The following PYGO2 variants were observed in gnomAD, a reference collection of about 807,000 sequenced individuals.
PYGO2 encodes pygopus family PHD finger 2.
A neutral mutation model predicts 26.7 loss-of-function variants in PYGO2; 9 were observed. The ratio of observed to expected loss-of-function variants is 0.34; its 90% CI spans 0.20 to 0.59. The LOEUF is 0.59. Among genes scored for constraint, PYGO2 ranks in the 20% least tolerant of loss-of-function variants. The pLI, the probability that PYGO2 is intolerant of heterozygous loss-of-function variation, is 0.84. For synonymous variants in PYGO2, 236 were observed against 219.0 expected (o/e 1.08, Z -0.68); for missense variants, 538 against 561.5 (o/e 0.96, Z 0.42).
At position 154,958,827 on chromosome 1, in the gene PYGO2, G is replaced by A; in HGVS notation, c.1173C>T (p.Val391=). 1 of 1,614,040 alleles carries A rather than the reference G, an allele frequency of 6.2e-7. No homozygotes were observed. Among genetic ancestry groups the A allele is most frequent in the Non-Finnish European group, 8.5e-7 (1 of 1,180,046 alleles). Residue 391 remains valine (V), a synonymous_variant, in exon 3 of 3, where the codon GTC becomes GTT. Coordinates refer to ENST00000368457, the MANE Select transcript of PYGO2 (RefSeq NM_138300.4). ...LCLKTKEIQS[V]YIREGMGQLV... ...GCTGCCCCATGCCCTCACGGATGTA[G>A]ACAGACTGGATCTCCTTGGTCTTGA... is the stretch of plus-strand genomic sequence containing the variant.
Position 154,959,041 on chromosome 1 carries a change from G to A in PYGO2, c.959C>T (p.Pro320Leu). 6.2e-7 allele frequency: 1 copy of A among 1,613,510 alleles called. No homozygotes were observed. The highest frequency in any genetic ancestry group is 8.5e-7 in the Non-Finnish European group (1 of 1,179,934). The change falls in exon 3 of 3, where the codon CCC (proline) becomes CTC (leucine). Residue 320 changes from proline (P) to leucine (L), a missense_variant. Pro to Leu is a moderately conservative substitution (Grantham distance 98, BLOSUM62 -3). Around this residue, in one of 4 missense-constraint regions of PYGO2, gnomAD observed 381 missense variants for 336.6 expected, o/e 1.13. Transcript: ENST00000368457. The surrounding 1 kb of genome is among the most constrained non-coding windows in gnomAD (Gnocchi z 4.7). ...GTACACCAAGCCTGGGGGAGGCTGG[G>A]GCCCGGAGCCCCCACCTGCCTTGCC... ...PPGKAGGGSG[P>L]QPPPGLVYPC...
Position 154,959,442 on chromosome 1 carries a change from T to A in PYGO2, c.558A>T (p.Pro186=). ...SPPSGQMMPG[P]VGGFGPMISP... ...AGATCATGGGACCAAATCCCCCCAC[T>A]GGGCCCGGCATCATCTGCCCACTGG... Residue 186 remains proline (P), a synonymous_variant, in exon 3 of 3, where the codon CCA becomes CCT. Transcript: ENST00000368457. This position sits in a 1 kb window ranked among gnomAD's most constrained non-coding sequence, Gnocchi z 4.7. 1.3e-6 allele frequency: 2 copies of A among 1,531,560 alleles called. No individual in the cohort carries two copies. The highest frequency in any genetic ancestry group is 1.3e-5 in the South Asian group (1 of 78,040). The allele number at this position is 1,531,560 out of a possible 1,614,324, so 94.9% of individuals were successfully genotyped here. A position where few individuals can be genotyped will look rare whatever the true frequency, so the allele number is the denominator to read the frequency against.
At position 154,959,663 on chromosome 1, in the gene PYGO2, G is replaced by C. The variant is rs747940629; in HGVS notation, c.337C>G (p.Gln113Glu). Residue 113 changes from glutamine to glutamate, a missense_variant, in exon 3 of 3, where the codon CAG (glutamine) becomes GAG (glutamate). This residue lies in a region of PYGO2 where 381 missense variants were observed against 336.6 expected (regional missense o/e 1.13). Transcript: ENST00000368457. The surrounding 1 kb of genome is among the most constrained non-coding windows in gnomAD (Gnocchi z 4.7). ...GFRVQGGMAGQVPPGYSTGGG... is the reference protein window; with the variant it reads ...GFRVQGGMAGEVPPGYSTGGG... ...CCAGTGCTGTAGCCTGGGGGTACCT[G>C]GCCCGCCATGCCCCCCTGCACACGG... The C allele has an allele frequency of 9.1e-6, 13 of 1,435,994 alleles. No individual in the cohort carries two copies. The highest frequency in any genetic ancestry group is 3.7e-4 in the Middle Eastern group (2 of 5,346). 89.0% of individuals were successfully genotyped at this position (1,435,994 alleles called of 1,614,324 possible). A position where few individuals can be genotyped will look rare whatever the true frequency, so the allele number is the denominator to read the frequency against.
Position 154,958,623 on chromosome 1 carries a change from C to T in PYGO2, c.*156G>A. On this transcript the variant is annotated 3_prime_UTR_variant, in exon 3 of 3. Coordinates refer to ENST00000368457, the MANE Select transcript of PYGO2 (RefSeq NM_138300.4). ...TGAGCAATCCAGGCTCTTCTGCCTGCCCACCTCAATTCCTTTTCTGCTCCC... is the reference window on the plus strand; with the variant it reads ...TGAGCAATCCAGGCTCTTCTGCCTGTCCACCTCAATTCCTTTTCTGCTCCC... The T allele has an allele frequency of 1.6e-6, 1 of 632,092 alleles. No individual in the cohort carries two copies. 39.2% of individuals were successfully genotyped at this position (632,092 alleles called of 1,614,324 possible).
At chr1:154,961,166 G>A (rs1655347722) in intron 1 of PYGO2, 140 bp from the exon 2 acceptor site, 2 of 769,358 alleles carry the variant, frequency 2.6e-6, no homozygotes. Context: ...AACAAGGGGT[G>A]CAATATGAAA....
In PYGO2 at chr1:154,958,490, G is replaced by A. The variant is rs1655247749; in HGVS notation, c.*289C>T. ...ATCTTCCTCCAGCCCCTTTTCTCTT[G>A]CAGCCACACTCCTGGGCCTCCAGAA... On this transcript the variant is annotated 3_prime_UTR_variant, in exon 3 of 3. Transcript: ENST00000368457. 2.5e-6 allele frequency: 1 copy of A among 403,466 alleles called. No individual in the cohort carries two copies. 25.0% of individuals were successfully genotyped at this position (403,466 alleles called of 1,614,324 possible). A position where few individuals can be genotyped will look rare whatever the true frequency, so the allele number is the denominator to read the frequency against.
In PYGO2 at chr1:154,958,887, A is replaced by C. The variant is rs1387311302; in HGVS notation, c.1113T>G (p.Thr371=). Residue 371 remains threonine (T), a synonymous_variant, in exon 3 of 3, where the codon ACT becomes ACG. Transcript: ENST00000368457. ...CGCAGGCCCAGACGGCAGAAGCTTCAGTGGTCAGCAGCCCATAGGCGCTCT... is the reference window on the plus strand; with the variant it reads ...CGCAGGCCCAGACGGCAGAAGCTTCCGTGGTCAGCAGCCCATAGGCGCTCT... ...MTESAYGLLT[T]EASAVWACDL... 1 of 1,614,012 alleles carries C rather than the reference A, an allele frequency of 6.2e-7. No individual in the cohort carries two copies. Among genetic ancestry groups the C allele is most frequent in the Non-Finnish European group, 8.5e-7 (1 of 1,180,034 alleles).
rs537080177 is a variant in PYGO2 at position 154,959,988 on chromosome 1, G to A, written c.154-142C>T. Reference sequence around the variant, plus strand: ...TAAAATCAATATGGACCACAGGCCAGGTGCGGTGGCTCACGCCTGTAATCC... The same window carrying A: ...TAAAATCAATATGGACCACAGGCCAAGTGCGGTGGCTCACGCCTGTAATCC... On this transcript the variant is annotated intron_variant, in intron 2 of 2. Transcript: ENST00000368457. This position sits in a 1 kb window ranked among gnomAD's most constrained non-coding sequence, Gnocchi z 4.7. 1.1e-5 allele frequency: 5 copies of A among 459,070 alleles called. No individual in the cohort carries two copies. The highest frequency in any genetic ancestry group is 1.8e-5 in the Non-Finnish European group (5 of 280,386). The allele number at this position is 459,070 out of a possible 1,614,324, so 28.4% of individuals were successfully genotyped here.
At chr1:154,960,047 G>A (rs1488698672) in intron 2 of PYGO2, among the ~76,000 whole-genome samples, 4 of 151,384 alleles carry the variant, frequency 2.6e-5, no homozygotes, top group Admixed American at 2.0e-4. Context: ...GGCAGATCAC[G>A]AGGTCAGGAG....
rs148702249 is a variant in PYGO2 at position 154,959,753 on chromosome 1, C to T, written c.247G>A (p.Gly83Arg). 93 of 1,392,854 alleles carry T rather than the reference C, an allele frequency of 6.7e-5. 1 individual carries two copies. The Middle Eastern group carries it at 1.4e-3, about 20-fold the overall frequency. 86.3% of individuals were successfully genotyped at this position (1,392,854 alleles called of 1,614,324 possible). Residue 83 changes from glycine to arginine, a missense_variant, in exon 3 of 3, where the codon GGA becomes AGA. Transcript: ENST00000368457. This position sits in a 1 kb window ranked among gnomAD's most constrained non-coding sequence, Gnocchi z 4.7. ...VASNPFEDDF[G>R]APKVGVAAPP... is the part of the protein sequence containing the mutation. Reference sequence around the variant, plus strand: ...GCTGCAACCCCCACTTTGGGGGCTCCGAAGTCATCTTCAAAAGGGTTGGAT... The same window carrying T: ...GCTGCAACCCCCACTTTGGGGGCTCTGAAGTCATCTTCAAAAGGGTTGGAT...
At position 154,959,769 on chromosome 1, in the gene PYGO2, A is replaced by C. The variant is rs1655282270; in HGVS notation, c.231T>G (p.Pro77=). ...TGGGGGCTCCGAAGTCATCTTCAAA[A>C]GGGTTGGATGCAACCAGGTGATCCA... ...PMVDHLVASN[P]FEDDFGAPKV... is the part of the protein sequence containing the mutation. Residue 77 remains proline (P), a synonymous_variant, in exon 3 of 3, where the codon CCT becomes CCG. Transcript: ENST00000368457. The surrounding 1 kb of genome is among the most constrained non-coding windows in gnomAD (Gnocchi z 4.7). 7.2e-7 allele frequency: 1 copy of C among 1,393,584 alleles called. No homozygotes were observed. Among genetic ancestry groups the C allele is most frequent in the African/African-American group, 1.5e-5 (1 of 67,326 alleles). 86.3% of individuals were successfully genotyped at this position (1,393,584 alleles called of 1,614,324 possible).
At position 154,958,838 on chromosome 1, in the gene PYGO2, T is replaced by C. The variant is rs1352485268; in HGVS notation, c.1162A>G (p.Ile388Val). The C allele has an allele frequency of 6.2e-7, 1 of 1,613,874 alleles. No individual in the cohort carries two copies. The highest frequency in any genetic ancestry group is 1.3e-5 in the African/African-American group (1 of 74,914). ...CCCTCACGGATGTAGACAGACTGGA[T>C]CTCCTTGGTCTTGAGGCAGAGATCG... ...ACDLCLKTKEIQSVYIREGMG... is the reference protein window; with the variant it reads ...ACDLCLKTKEVQSVYIREGMG... The change falls in exon 3 of 3, where the codon ATC becomes GTC. Residue 388 changes from isoleucine (I) to valine (V), a missense_variant. By Grantham distance (29) the Ile-to-Val change is conservative (BLOSUM62 3). This residue lies in a region of PYGO2 where 72 missense variants were observed against 111.9 expected (regional missense o/e 0.64). Transcript: ENST00000368457.
In PYGO2 at chr1:154,957,930, TG is replaced by T. The variant is rs1404492348; in HGVS notation, c.*848del. ...CACACGGAGTATAATGTGCAACAGA[TG>T]GGCTGGGGGAGGAGGGTACCACCAA... On this transcript the variant is annotated 3_prime_UTR_variant, in exon 3 of 3. Transcript: ENST00000368457. The T allele has an allele frequency of 1.3e-5, 2 of 152,694 alleles. No homozygotes were observed. Among genetic ancestry groups the T allele is most frequent in the African/African-American group, 4.8e-5 (2 of 41,428 alleles). The allele number at this position is 152,694 out of a possible 1,614,324, so 9.5% of individuals were successfully genotyped here.
At position 154,957,810 on chromosome 1, in the gene PYGO2, A is replaced by T. The variant is rs1213339672; in HGVS notation, c.*969T>A. 6.6e-6 allele frequency: 1 copy of T among 152,644 alleles called. No homozygotes were observed. The highest frequency in any genetic ancestry group is 1.5e-5 in the Non-Finnish European group (1 of 68,026). 9.5% of individuals were successfully genotyped at this position (152,644 alleles called of 1,614,324 possible). A position where few individuals can be genotyped will look rare whatever the true frequency, so the allele number is the denominator to read the frequency against. ...AGGGCCTCACTTGGATCCTTTTATC[A>T]TGGAGGAAATGAGGTATAGGGCTCT... On this transcript the variant is annotated 3_prime_UTR_variant, in exon 3 of 3. Coordinates refer to ENST00000368457, the MANE Select transcript of PYGO2 (RefSeq NM_138300.4).
At chr1:154,960,664 C>G (rs1018251026) in intron 2 of PYGO2, among the ~76,000 whole-genome samples, 2 of 151,964 alleles carry the variant, frequency 1.3e-5, no homozygotes, top group African/African-American at 4.8e-5. Flanking sequence ...TAGCGCAATC[C>G]CTGGCACTAA....
chr1:154,958,837 A>T lies in PYGO2; in HGVS notation c.1163T>A (p.Ile388Asn). The T allele has an allele frequency of 3.1e-6, 5 of 1,614,018 alleles. No individual in the cohort carries two copies. Among genetic ancestry groups the T allele is most frequent in the Non-Finnish European group, 4.2e-6 (5 of 1,180,036 alleles). ...ACDLCLKTKE[I>N]QSVYIREGMG... is the part of the protein sequence containing the mutation. ...GCCCTCACGGATGTAGACAGACTGG[A>T]TCTCCTTGGTCTTGAGGCAGAGATC... Residue 388 changes from isoleucine to asparagine, a missense_variant, in exon 3 of 3, where the codon ATC becomes AAC. This residue lies in a region of PYGO2 where 72 missense variants were observed against 111.9 expected (regional missense o/e 0.64). Coordinates refer to ENST00000368457, the MANE Select transcript of PYGO2 (RefSeq NM_138300.4).
chr1:154,961,454 G>A lies in PYGO2; in HGVS notation c.103+20C>T, dbSNP rs998979589. ...CAAGTCCTGGGCCTCTTCAGCCCCC[G>A]CCCCTCGCAGCGCGCTCACCGGCCT... On this transcript the variant is annotated intron_variant, in intron 1 of 2. Transcript: ENST00000368457. 2.1e-6 allele frequency: 3 copies of A among 1,457,268 alleles called. No homozygotes were observed. The highest frequency in any genetic ancestry group is 2.9e-5 in the African/African-American group (2 of 68,028). The allele number at this position is 1,457,268 out of a possible 1,614,324, so 90.3% of individuals were successfully genotyped here.
In PYGO2 at chr1:154,961,721, C is replaced by T. The variant is rs1655373194; in HGVS notation, c.-145G>A. On this transcript the variant is annotated 5_prime_UTR_variant, in exon 1 of 3. Coordinates refer to ENST00000368457, the MANE Select transcript of PYGO2 (RefSeq NM_138300.4). ...GCGACGACAGGGAAGCGCCGAGCCG[C>T]CGCGCAAACTGCGCGCTCTCTCCAG... 1.1e-5 allele frequency: 5 copies of T among 435,252 alleles called. No homozygotes were observed. Among genetic ancestry groups the T allele is most frequent in the Non-Finnish European group, 2.0e-5 (5 of 244,874 alleles). The allele number at this position is 435,252 out of a possible 1,614,324, so 27.0% of individuals were successfully genotyped here. A position where few individuals can be genotyped will look rare whatever the true frequency, so the allele number is the denominator to read the frequency against.
chr1:154,959,341 G>T lies in PYGO2; in HGVS notation c.659C>A (p.Ala220Asp). Residue 220 changes from alanine (A) to aspartate (D), a missense_variant, in exon 3 of 3, where the codon GCT (alanine) becomes GAT (aspartate). Ala to Asp is a moderately radical substitution (Grantham distance 126). Around this residue, in one of 4 missense-constraint regions of PYGO2, gnomAD observed 381 missense variants for 336.6 expected, o/e 1.13. Transcript: ENST00000368457. The surrounding 1 kb of genome is among the most constrained non-coding windows in gnomAD (Gnocchi z 4.7). ...CTGGAGAGGAGAAGGGCCAAAAGGA[G>T]CCCCTGGCTGAGCAAATCGTTGGGA... is the stretch of plus-strand genomic sequence containing the variant. Reference protein sequence around the residue: ...SLSQRFAQPGAPFGPSPLQRP... With the variant: ...SLSQRFAQPGDPFGPSPLQRP... 6.2e-7 allele frequency: 1 copy of T among 1,609,536 alleles called. No homozygotes were observed. The highest frequency in any genetic ancestry group is 8.5e-7 in the Non-Finnish European group (1 of 1,177,976).
Sources: allele counts gnomAD v4.1 joint callset (sites outside exome capture counted in the v4.1 genomes callset), GRCh38; gene constraint gnomAD v4.1.1; regional missense constraint gnomAD v4.1.1; non-coding constraint Gnocchi (gnomAD v3.1); transcripts MANE v1.5; gene names NCBI Gene and HGNC (gene_info 2026-07-23, HGNC 2026-07-21).